The following HCN1 variants were observed in gnomAD, a reference collection of about 807,000 sequenced individuals.
HCN1 encodes potassium/sodium hyperpolarization-activated cyclic nucleotide-gated channel 1.
Under a neutral mutation model 78.9 loss-of-function variants are expected in HCN1, and 13 were observed. The ratio of observed to expected loss-of-function variants is 0.16; its 90% CI spans 0.11 to 0.26. The LOEUF is 0.26. Among genes scored for constraint, HCN1 ranks in the 10% least tolerant of loss-of-function variants. HCN1 has a pLI of 1.00. For synonymous variants in HCN1, 552 were observed against 455.5 expected (o/e 1.21, Z -2.70); for missense variants, 810 against 1,154.3 (o/e 0.70, Z 4.32).
At chr5:45,407,103 C>T (rs1739941208) in intron 3 of HCN1, among the ~76,000 whole-genome samples, 1 of 152,132 alleles carries the variant, frequency 6.6e-6, no homozygotes, top group African/African-American at 2.4e-5. Context: ...TGTGCTTTCA[C>T]TCAACACCTG....
chr5:45,321,274 G>A (rs1176312246), intron 5 of HCN1, among the ~76,000 whole-genome samples: 1 of 151,808 alleles, frequency 6.6e-6, no homozygotes, highest in Non-Finnish European at 1.5e-5. Context: ...TAGGTAGTTC[G>A]CATATTATAT....
chr5:45,488,568 T>C (rs1741816477), intron 2 of HCN1, among the ~76,000 whole-genome samples: 3 of 152,122 alleles, frequency 2.0e-5, no homozygotes, highest in African/African-American at 7.2e-5. Flanking sequence ...TTTTCGTATT[T>C]TCATAAAATA....
At chr5:45,567,659 G>A (rs1743737337) in intron 2 of HCN1, among the ~76,000 whole-genome samples, 1 of 148,058 alleles carries the variant, frequency 6.8e-6, no homozygotes, top group South Asian at 2.2e-4. Flanking sequence ...CTTTTAGATT[G>A]AATTTCAAAA....
At chr5:45,689,310 A>T (rs1739864103) in intron 1 of HCN1, among the ~76,000 whole-genome samples, 1 of 152,126 alleles carries the variant, frequency 6.6e-6, no homozygotes, top group Admixed American at 6.6e-5. Flanking sequence ...GAAGAAAAAA[A>T]AATGAAGCCT....
intron 2 of HCN1, among the ~76,000 whole-genome samples, chr5:45,588,848 G>C (rs563028115): frequency 1.3e-5 from 2 of 152,276 alleles, no homozygotes; most frequent in African/African-American, 4.8e-5. Flanking sequence ...TGGGCATGCT[G>C]AGCTCTCCTG....
At chr5:45,688,692 T>C (rs955878559) in intron 1 of HCN1, among the ~76,000 whole-genome samples, 2 of 152,074 alleles carry the variant, frequency 1.3e-5, no homozygotes, top group African/African-American at 4.8e-5. Flanking sequence ...AATATTCATA[T>C]CAGCAGTATT....
intron 2 of HCN1, among the ~76,000 whole-genome samples, chr5:45,500,051 A>T (rs1011461043): frequency 3.3e-5 from 5 of 152,160 alleles, no homozygotes; most frequent in Non-Finnish European, 5.9e-5. Context: ...AGAATATGAT[A>T]TTGACAAACA....
intron 5 of HCN1, among the ~76,000 whole-genome samples, chr5:45,328,050 G>A (rs1299487523): frequency 6.6e-6 from 1 of 151,724 alleles, no homozygotes; most frequent in East Asian, 1.9e-4. Flanking sequence ...CTGCCAAGAT[G>A]TATCAGTACA....
In HCN1 at chr5:45,595,110, T is replaced by C. The variant is rs187415003; in HGVS notation, c.849+50075A>G. Among the ~76,000 whole-genome samples the C allele has an allele frequency of 5.7e-4, 86 of 152,176 alleles. 1 individual carries two copies. The highest frequency in any genetic ancestry group is 2.1e-3 in the South Asian group (10 of 4,812). On this transcript the variant is annotated intron_variant, in intron 2 of 7. Coordinates refer to ENST00000303230, the MANE Select transcript of HCN1 (RefSeq NM_021072.4). ...AGGCAGGATATTTTTTTCCAAGTAATAGAGAACAATAGAAATTGAAATGCA... is the reference window on the plus strand; with the variant it reads ...AGGCAGGATATTTTTTTCCAAGTAACAGAGAACAATAGAAATTGAAATGCA...
chr5:45,376,486 G>A (rs1476259645), intron 4 of HCN1, among the ~76,000 whole-genome samples: 1 of 149,816 alleles, frequency 6.7e-6, no homozygotes, highest in Non-Finnish European at 1.5e-5. Context: ...TCTTGATCTT[G>A]GACTTGTCAG....
At chr5:45,570,730 A>G (rs1333161551) in intron 2 of HCN1, among the ~76,000 whole-genome samples, 1 of 152,172 alleles carries the variant, frequency 6.6e-6, no homozygotes, top group African/African-American at 2.4e-5. Context: ...TTACTTTTAA[A>G]AAGATTAAAA....
intron 5 of HCN1, among the ~76,000 whole-genome samples, chr5:45,315,067 A>G (rs1052433227): frequency 5.3e-5 from 8 of 152,220 alleles, no homozygotes; most frequent in African/African-American, 1.9e-4. Flanking sequence ...AGCGGACCTA[A>G]TAGACATCTA....
intron 2 of HCN1, among the ~76,000 whole-genome samples, chr5:45,606,026 T>C (rs554146666): frequency 6.6e-6 from 1 of 152,096 alleles, no homozygotes; most frequent in East Asian, 1.9e-4. Context: ...TAACACAAAC[T>C]TTCACCTCAA....
chr5:45,528,040 C>A (rs1464166103), intron 2 of HCN1, among the ~76,000 whole-genome samples: 1 of 151,082 alleles, frequency 6.6e-6, no homozygotes, highest in African/African-American at 2.4e-5. Flanking sequence ...TATTTATTTA[C>A]CAATAGAAGG....
chr5:45,391,757 A>C (rs928807025), intron 4 of HCN1, among the ~76,000 whole-genome samples: 6 of 152,154 alleles, frequency 3.9e-5, no homozygotes, highest in Non-Finnish European at 8.8e-5. Context: ...AAGAGAAAGC[A>C]GATTGAATAT....
At chr5:45,264,304 A>ACAG (rs762051841) in intron 7 of HCN1, among the ~76,000 whole-genome samples, 52 of 152,174 alleles carry the variant, frequency 3.4e-4, no homozygotes, top group Non-Finnish European at 5.7e-4. Context: ...GGTTTGCAAT[A>ACAG]CTAGACAGTC....
At chr5:45,299,373 G>A (rs16902098) in intron 6 of HCN1, among the ~76,000 whole-genome samples, 3,557 of 151,950 alleles carry the variant, frequency 0.023, 155 homozygotes, top group African/African-American at 0.082. Context: ...AAGTTTAACC[G>A]TAAAAAGGGA....
chr5:45,434,179 T>A (rs1382006546), intron 3 of HCN1, among the ~76,000 whole-genome samples: 1 of 152,214 alleles, frequency 6.6e-6, no homozygotes, highest in Non-Finnish European at 1.5e-5. Context: ...ATTTATAGAC[T>A]TAATATCTGA....
intron 3 of HCN1, among the ~76,000 whole-genome samples, chr5:45,446,493 T>C (rs1488225376): frequency 6.6e-6 from 1 of 151,992 alleles, no homozygotes; most frequent in East Asian, 1.9e-4. Flanking sequence ...ACTTCCCCAA[T>C]CTAGCAAGGC....
Sources: gnomAD v4.1 joint callset for allele counts (sites outside exome capture counted in the v4.1 genomes callset) on GRCh38, gnomAD v4.1.1 for gene constraint, MANE v1.5 for transcripts, NCBI Gene and HGNC (gene_info 2026-07-23, HGNC 2026-07-21) for gene names.